SLC38A9: variants seen among roughly 807,000 people sequenced by gnomAD.
SLC38A9 encodes the protein neutral amino acid transporter 9.
Under a neutral mutation model 62.3 loss-of-function variants are expected in SLC38A9, and 48 were observed. The ratio of observed to expected loss-of-function variants is 0.77; its 90% CI spans 0.61 to 0.98. SLC38A9 has a LOEUF of 0.98. Among genes scored for constraint, SLC38A9 ranks in the 50% least tolerant of loss-of-function variants. The pLI, the probability that SLC38A9 is intolerant of heterozygous loss-of-function variation, is 0.00. For missense variants in SLC38A9, 541 were observed against 679.8 expected, an observed-to-expected ratio of 0.80 and a Z score of 2.27; for synonymous variants, 204 against 227.7, an observed-to-expected ratio of 0.90 and a Z score of 0.94.
intron 12 of SLC38A9, among the ~76,000 whole-genome samples, chr5:55,643,638 T>A (rs1745800132): frequency 6.6e-6 from 1 of 152,232 alleles, no homozygotes; most frequent in Non-Finnish European, 1.5e-5. Flanking sequence ...AAACGTCCAA[T>A]TATAATTGTG....
chr5:55,691,135 A>C (rs3846505), intron 3 of SLC38A9: 1 of 722,332 alleles, frequency 1.4e-6, no homozygotes, highest in African/African-American at 1.7e-5. Flanking sequence ...AGAGCACCTG[A>C]AATGTTCTCA....
intron 3 of SLC38A9, among the ~76,000 whole-genome samples, chr5:55,676,744 A>G (rs1440259561): frequency 6.6e-6 from 1 of 152,198 alleles, no homozygotes; most frequent in African/African-American, 2.4e-5. Context: ...TATGCTACGT[A>G]GGTACACAGC....
chr5:55,670,644 A>C (rs1458505372), intron 4 of SLC38A9, among the ~76,000 whole-genome samples: 1 of 152,216 alleles, frequency 6.6e-6, no homozygotes, highest in Admixed American at 6.5e-5. Context: ...CAGTTAACAA[A>C]TGGCATTCAA....
In SLC38A9 at chr5:55,652,818, T is replaced by C; in HGVS notation, c.758-95A>G. 7.1e-6 allele frequency: 7 copies of C among 990,558 alleles called. No homozygotes were observed. In the South Asian group the frequency reaches 1.3e-4, roughly 18 times the overall value. 61.4% of individuals were successfully genotyped at this position (990,558 alleles called of 1,614,324 possible). A position where few individuals can be genotyped will look rare whatever the true frequency, so the allele number is the denominator to read the frequency against. On this transcript the variant is annotated intron_variant, in intron 9 of 15. Coordinates refer to ENST00000396865, the MANE Select transcript of SLC38A9 (RefSeq NM_173514.4). Reference sequence around the variant, plus strand: ...ATGACTGCCTCTAGAGACAGACACTTGCTCTACCAACCTCAACTCTTCCTA... The same window carrying C: ...ATGACTGCCTCTAGAGACAGACACTCGCTCTACCAACCTCAACTCTTCCTA...
intron 3 of SLC38A9, among the ~76,000 whole-genome samples, chr5:55,691,525 A>G (rs1754739656): frequency 6.6e-6 from 1 of 152,186 alleles, no homozygotes; most frequent in African/African-American, 2.4e-5. Flanking sequence ...CTATTTCACA[A>G]TCTGTTTGTA....
chr5:55,678,475 T>A (rs538518040), intron 3 of SLC38A9, among the ~76,000 whole-genome samples: 2 of 151,834 alleles, frequency 1.3e-5, no homozygotes, highest in East Asian at 3.9e-4. Context: ...ATTAAATCAA[T>A]GAAAACACTA....
intron 7 of SLC38A9, among the ~76,000 whole-genome samples, chr5:55,666,336 A>G (rs1301758188): frequency 6.6e-6 from 1 of 152,224 alleles, no homozygotes; most frequent in Non-Finnish European, 1.5e-5. Flanking sequence ...AAGAATATAG[A>G]TAAGTATAAC....
At chr5:55,673,750 C>T (rs1043609374) in intron 3 of SLC38A9, among the ~76,000 whole-genome samples, 5 of 143,530 alleles carry the variant, frequency 3.5e-5, no homozygotes, top group African/African-American at 7.8e-5. Flanking sequence ...CTCACTCTAT[C>T]GCCTAGGCTG....
intron 4 of SLC38A9, among the ~76,000 whole-genome samples, chr5:55,670,741 T>C (rs1201912346): frequency 6.6e-6 from 1 of 152,188 alleles, no homozygotes; most frequent in Non-Finnish European, 1.5e-5. Flanking sequence ...GAGGTTTGTT[T>C]CCAAGAGCAG....
intron 13 of SLC38A9, chr5:55,635,237 A>T: frequency 3.0e-6 from 1 of 335,296 alleles, no homozygotes; most frequent in Non-Finnish European, 5.6e-6. Context: ...CCCCACAAAA[A>T]GAGAAATATA....
Position 55,635,579 on chromosome 5 carries a change from G to A in SLC38A9, c.1246C>T (p.Pro416Ser), listed in dbSNP as rs769055013. The A allele has an allele frequency of 6.2e-7, 1 of 1,613,684 alleles. No homozygotes were observed. Among genetic ancestry groups the A allele is most frequent in the Non-Finnish European group, 8.5e-7 (1 of 1,179,742 alleles). The stretch of plus-strand genomic sequence containing the variant: ...CAATCTTTGGATAATGGTGGTGAAG[G>A]AAATGAAGCAAAAACCAGGACTCCA... The part of the protein sequence containing the change: ...YIGVLVFASF[P>S]SPPLSKDCIE... Residue 416 changes from proline (P) to serine (S), a missense_variant, in exon 13 of 16, where the codon CCT (proline) becomes TCT (serine). By Grantham distance (74) the Pro-to-Ser change is moderately conservative. Transcript: ENST00000396865.
chr5:55,687,352 G>A (rs1213283779), intron 3 of SLC38A9, among the ~76,000 whole-genome samples: 25 of 144,724 alleles, frequency 1.7e-4, no homozygotes, highest in Non-Finnish European at 2.8e-4. Context: ...GCGTGAACCC[G>A]GAAGGCGGAG....
At chr5:55,691,401 A>G (rs1045928733) in intron 3 of SLC38A9, 4 of 1,282,146 alleles carry the variant, frequency 3.1e-6, no homozygotes, top group Non-Finnish European at 3.0e-6. Context: ...TGCCCTGGGT[A>G]ATACTGGGCA....
intron 7 of SLC38A9, among the ~76,000 whole-genome samples, chr5:55,667,373 T>C (rs1180575283): frequency 6.6e-6 from 1 of 152,202 alleles, no homozygotes; most frequent in Non-Finnish European, 1.5e-5. Flanking sequence ...AAATAGACTT[T>C]GCTATTTTTA....
At chr5:55,672,003 A>G (rs1354079918) in intron 4 of SLC38A9, among the ~76,000 whole-genome samples, 1 of 152,016 alleles carries the variant, frequency 6.6e-6, no homozygotes, top group Non-Finnish European at 1.5e-5. Flanking sequence ...GCGAGCCATC[A>G]TGCTTGGCTA....
At chr5:55,698,521 C>T (rs1313581781) in intron 2 of SLC38A9, among the ~76,000 whole-genome samples, 1 of 152,182 alleles carries the variant, frequency 6.6e-6, no homozygotes, top group East Asian at 1.9e-4. Context: ...TAAATCATCC[C>T]CTTTCCCCAC....
At chr5:55,689,882 G>A (rs1754483124) in intron 3 of SLC38A9, among the ~76,000 whole-genome samples, 1 of 152,136 alleles carries the variant, frequency 6.6e-6, no homozygotes, top group Non-Finnish European at 1.5e-5. Context: ...TAATAATAAT[G>A]AGACAGGAAG....
chr5:55,642,700 C>A (rs1745637896), intron 12 of SLC38A9, among the ~76,000 whole-genome samples: 1 of 152,050 alleles, frequency 6.6e-6, no homozygotes, highest in African/African-American at 2.4e-5. Flanking sequence ...AACATCACAA[C>A]CCTGATAGGT....
chr5:55,659,200 AATATAAGG>A (rs1268940482), intron 8 of SLC38A9, among the ~76,000 whole-genome samples: 1 of 151,854 alleles, frequency 6.6e-6, no homozygotes, highest in African/African-American at 2.4e-5. Flanking sequence ...CCTTATGAAC[AATATAAGG>A]ATATCTACAA....
Sources: allele counts gnomAD v4.1 joint callset (sites outside exome capture counted in the v4.1 genomes callset), GRCh38; gene constraint gnomAD v4.1.1; transcripts MANE v1.5; gene names NCBI Gene and HGNC (gene_info 2026-07-23, HGNC 2026-07-21).